Variants in TNFAIP8 observed in about 807,000 individuals in gnomAD.
TNFAIP8 encodes the protein TNF alpha induced protein 8.
In TNFAIP8, 7 loss-of-function variants were observed where a neutral mutation model predicts 13.3. The observed-to-expected ratio is 0.52, with a 90% CI of 0.30 to 0.99. The LOEUF is 0.99. TNFAIP8 is among the 50% of genes least tolerant of loss of function. The pLI, the probability that TNFAIP8 is intolerant of heterozygous loss-of-function variation, is 0.07. For missense variants in TNFAIP8, 258 were observed against 236.9 expected, an observed-to-expected ratio of 1.09 and a Z score of -0.58; for synonymous variants, 94 against 87.6, an observed-to-expected ratio of 1.07 and a Z score of -0.41.
chr5:119,279,102 A>G (rs540908574), intron 1 of TNFAIP8, among the ~76,000 whole-genome samples: 3 of 152,294 alleles, frequency 2.0e-5, no homozygotes, highest in African/African-American at 7.2e-5. Flanking sequence ...CTTTATACAC[A>G]TTATTTAATT....
intron 1 of TNFAIP8, among the ~76,000 whole-genome samples, chr5:119,390,807 C>T (rs1434426208): frequency 6.6e-6 from 1 of 152,000 alleles, no homozygotes; most frequent in Non-Finnish European, 1.5e-5. Context: ...TTCTTCTTTT[C>T]CTCAATTTTA....
intron 1 of TNFAIP8, among the ~76,000 whole-genome samples, chr5:119,318,411 C>G (rs10067861): frequency 0.024 from 3,634 of 152,210 alleles, 155 homozygotes; most frequent in African/African-American, 0.083. Flanking sequence ...ACGTCAGCTT[C>G]CTGTGTCGCT....
intron 1 of TNFAIP8, among the ~76,000 whole-genome samples, chr5:119,346,184 A>G (rs539129827): frequency 4.6e-5 from 7 of 152,300 alleles, no homozygotes; most frequent in African/African-American, 1.7e-4. Context: ...AAGGAAAGCT[A>G]TTCATGTGGA....
At chr5:119,385,272 A>G (rs1159412020) in intron 1 of TNFAIP8, among the ~76,000 whole-genome samples, 1 of 152,212 alleles carries the variant, frequency 6.6e-6, no homozygotes, top group Non-Finnish European at 1.5e-5. Flanking sequence ...GTTTCCATCC[A>G]TGCTGTTCTT....
At chr5:119,325,862 AC>A (rs1486653896) in intron 1 of TNFAIP8, among the ~76,000 whole-genome samples, 1 of 152,094 alleles carries the variant, frequency 6.6e-6, no homozygotes, top group Non-Finnish European at 1.5e-5. Flanking sequence ...GGGCTGTAGC[AC>A]TTGCTCTTTC....
chr5:119,308,942 T>C (rs1393237840), intron 1 of TNFAIP8, among the ~76,000 whole-genome samples: 1 of 152,068 alleles, frequency 6.6e-6, no homozygotes, highest in African/African-American at 2.4e-5. Flanking sequence ...ATTTGACTCA[T>C]GCTCTCTCCA....
At chr5:119,327,737 G>T (rs367846601) in intron 1 of TNFAIP8, among the ~76,000 whole-genome samples, 20 of 152,176 alleles carry the variant, frequency 1.3e-4, no homozygotes, top group Non-Finnish European at 2.4e-4. Context: ...GGGATTACAC[G>T]TGTGAGCCAC....
At chr5:119,392,744 C>G in intron 1 of TNFAIP8, 72 bp from the exon 2 acceptor site, 1 of 1,439,030 alleles carries the variant, frequency 6.9e-7, no homozygotes, top group Non-Finnish European at 9.1e-7. Flanking sequence ...TCCCAAATAC[C>G]TGTTTTTAGT....
chr5:119,362,251 G>A (rs1284958084), intron 1 of TNFAIP8, among the ~76,000 whole-genome samples: 1 of 152,218 alleles, frequency 6.6e-6, no homozygotes, highest in Non-Finnish European at 1.5e-5. Flanking sequence ...ACCTACTTAT[G>A]CTGTGTGCTG....
chr5:119,283,794 A>G (rs888668819), intron 1 of TNFAIP8, among the ~76,000 whole-genome samples: 1 of 152,204 alleles, frequency 6.6e-6, no homozygotes, highest in African/African-American at 2.4e-5. Context: ...TTTTCAGGTC[A>G]CAATTGAAGC....
intron 1 of TNFAIP8, among the ~76,000 whole-genome samples, chr5:119,372,623 A>G (rs1415082906): frequency 1.3e-5 from 2 of 152,226 alleles, no homozygotes; most frequent in African/African-American, 2.4e-5. Flanking sequence ...CCATAAAAAT[A>G]CAAGTTGACC....
chr5:119,282,271 C>T (rs1027925129), intron 1 of TNFAIP8, among the ~76,000 whole-genome samples: 7 of 88,734 alleles, frequency 7.9e-5, no homozygotes, highest in African/African-American at 2.3e-4. Context: ...TCTGCTGGAC[C>T]TTGTAAAGAG....
intron 1 of TNFAIP8, among the ~76,000 whole-genome samples, chr5:119,366,291 G>T (rs1751855403): frequency 6.6e-6 from 1 of 152,130 alleles, no homozygotes; most frequent in Non-Finnish European, 1.5e-5. Flanking sequence ...AAAGTGGGGT[G>T]CTGGTGTCCA....
intron 1 of TNFAIP8, among the ~76,000 whole-genome samples, chr5:119,285,056 T>C (rs888645845): frequency 6.6e-6 from 1 of 152,134 alleles, no homozygotes; most frequent in Non-Finnish European, 1.5e-5. Context: ...CAGAGGAATA[T>C]CATAGAGAAA....
In TNFAIP8 at chr5:119,398,297, A is replaced by T. The variant is rs986623279; in HGVS notation, c.*4916A>T. 6.6e-6 allele frequency: 1 copy of T among 152,236 alleles called. No homozygotes were observed. The highest frequency in any genetic ancestry group is 1.5e-5 in the Non-Finnish European group (1 of 68,038). The allele number at this position is 152,236 out of a possible 1,614,324, so 9.4% of individuals were successfully genotyped here. On this transcript the variant is annotated 3_prime_UTR_variant, in exon 2 of 2. Coordinates refer to ENST00000504771, the MANE Select transcript of TNFAIP8 (RefSeq NM_014350.4). ...ATACAAGAAAGACAATTTGATTTTT[A>T]AAAGTTTTGATTTGTAGAATAATGT...
chr5:119,325,383 T>G (rs1254624000), intron 1 of TNFAIP8, among the ~76,000 whole-genome samples: 5 of 151,958 alleles, frequency 3.3e-5, no homozygotes, highest in Non-Finnish European at 7.3e-5. Context: ...TCCTATATGG[T>G]CTACATATTC....
At chr5:119,374,880 A>G (rs1319161531) in intron 1 of TNFAIP8, among the ~76,000 whole-genome samples, 2 of 152,146 alleles carry the variant, frequency 1.3e-5, no homozygotes, top group Non-Finnish European at 2.9e-5. Flanking sequence ...GTTTTTTTAA[A>G]TACTAATTAC....
chr5:119,299,157 C>T (rs1412497893), intron 1 of TNFAIP8, among the ~76,000 whole-genome samples: 1 of 152,232 alleles, frequency 6.6e-6, no homozygotes, highest in African/African-American at 2.4e-5. Flanking sequence ...TGAGGAACTG[C>T]ATTCCTTTGG....
intron 1 of TNFAIP8, among the ~76,000 whole-genome samples, chr5:119,303,553 G>A (rs1384131281): frequency 6.6e-6 from 1 of 152,108 alleles, no homozygotes; most frequent in South Asian, 2.1e-4. Context: ...TTATCATTTG[G>A]GTAGAAGTGG....
Sources: gnomAD v4.1 joint callset for allele counts (sites outside exome capture counted in the v4.1 genomes callset) on GRCh38, gnomAD v4.1.1 for gene constraint, MANE v1.5 for transcripts, NCBI Gene and HGNC (gene_info 2026-07-23, HGNC 2026-07-21) for gene names.